IQCH: variants seen among roughly 807,000 people sequenced by gnomAD.
The protein encoded by IQCH is IQ domain-containing protein H.
A neutral mutation model predicts 117.0 loss-of-function variants in IQCH; 98 were observed. That is an observed-to-expected ratio of 0.84 (90% CI 0.71 to 0.99). IQCH has a LOEUF of 0.99. Among genes scored for constraint, IQCH ranks in the 50% least tolerant of loss-of-function variants. The pLI is 0.00. For missense variants in IQCH, 1,102 were observed against 1,243.8 expected, an observed-to-expected ratio of 0.89 and a Z score of 1.72; for synonymous variants, 412 against 448.2, an observed-to-expected ratio of 0.92 and a Z score of 1.02.
chr15:67,497,824 A>C (rs149009304), intron 20 of IQCH, among the ~76,000 whole-genome samples: 2 of 152,314 alleles, frequency 1.3e-5, no homozygotes, highest in East Asian at 3.9e-4. Context: ...AGATTTTTGC[A>C]GTGAAAACTA....
At chr15:67,318,016 T>A (rs998359344) in intron 4 of IQCH, among the ~76,000 whole-genome samples, 3 of 152,170 alleles carry the variant, frequency 2.0e-5, no homozygotes, top group African/African-American at 7.2e-5. Context: ...TGAAGCTTTG[T>A]TCACCCCCAT....
intron 14 of IQCH, among the ~76,000 whole-genome samples, chr15:67,410,935 T>C (rs988838420): frequency 6.6e-6 from 1 of 152,186 alleles, no homozygotes; most frequent in African/African-American, 2.4e-5. Flanking sequence ...TTTGAATCCC[T>C]GTTTTGCTAC....
rs527672307 is a variant in IQCH, at chr15:67,410,777, C to T, written c.2098-6154C>T. Among the ~76,000 whole-genome samples, 10 of 152,310 alleles carry T rather than the reference C, an allele frequency of 6.6e-5. No individual in the cohort carries two copies. In the East Asian group the frequency reaches 1.9e-3, roughly 29 times the overall value. On this transcript the variant is annotated intron_variant, in intron 14 of 20. Coordinates refer to ENST00000335894, the MANE Select transcript of IQCH (RefSeq NM_001031715.3). ...GATGCTGGGCAGCCAGTGACAAAGG[C>T]CCATGCTACCATATTTTCATACATT... is the stretch of plus-strand genomic sequence containing the variant.
In IQCH at chr15:67,494,275, T is replaced by C; in HGVS notation, c.2879T>C (p.Leu960Pro). ...KLGMLTIGED[L>P]QGVLMTFARH... ...ATTAACAGAACAATCGGCGAGGATC[T>C]CCAGGGGGTCCTCATGACCTTTGCT... Residue 960 changes from leucine (L) to proline (P), a missense_variant, in exon 20 of 21, where the codon CTC (leucine) becomes CCC (proline). Physicochemically the swap from Leu to Pro is moderately conservative, Grantham distance 98 (BLOSUM62 -3). Coordinates refer to ENST00000335894, the MANE Select transcript of IQCH (RefSeq NM_001031715.3). This position sits in a 1 kb window ranked among gnomAD's most constrained non-coding sequence, Gnocchi z 5.5. 6.2e-7 allele frequency: 1 copy of C among 1,610,680 alleles called. No individual in the cohort carries two copies.
At chr15:67,452,248 T>C (rs1039574848) in intron 16 of IQCH, among the ~76,000 whole-genome samples, 3 of 152,230 alleles carry the variant, frequency 2.0e-5, no homozygotes, top group African/African-American at 7.2e-5. Flanking sequence ...TTGTTAGGTG[T>C]GAATTCAATC....
intron 4 of IQCH, among the ~76,000 whole-genome samples, chr15:67,290,953 C>A (rs1966729856): frequency 6.6e-6 from 1 of 152,108 alleles, no homozygotes; most frequent in African/African-American, 2.4e-5. Flanking sequence ...CTTTATGGGC[C>A]AGGAACACTA....
chr15:67,450,960 A>G (rs2082508977), intron 16 of IQCH, among the ~76,000 whole-genome samples: 1 of 152,154 alleles, frequency 6.6e-6, no homozygotes, highest in Non-Finnish European at 1.5e-5. Context: ...GGGAGGATGT[A>G]TGTGTCGAGG....
intron 14 of IQCH, among the ~76,000 whole-genome samples, chr15:67,400,908 T>A (rs1252367635): frequency 6.6e-6 from 1 of 152,182 alleles, no homozygotes; most frequent in Non-Finnish European, 1.5e-5. Flanking sequence ...ATTACAAATC[T>A]TATAATTTGC....
chr15:67,306,806 C>T (rs1186206569), intron 4 of IQCH: 3 of 1,513,776 alleles, frequency 2.0e-6, no homozygotes, highest in East Asian at 2.5e-5. Flanking sequence ...TAACAAACAA[C>T]CTTCTAACAT....
chr15:67,379,733 C>CCATGTGAAGAAGG (rs1301550604), intron 10 of IQCH, among the ~76,000 whole-genome samples: 1 of 152,182 alleles, frequency 6.6e-6, no homozygotes, highest in African/African-American at 2.4e-5. Context: ...TCTCCTGCCA[C>CCATGTGAAGAAGG]CATGTGAAGA....
rs375096111 is a variant in IQCH, at chr15:67,264,530, G to T, written c.269+1314G>T. 1.3e-4 allele frequency among the ~76,000 whole-genome samples: 20 copies of T among 152,258 alleles called. 2 individuals carry two copies. The highest frequency in any genetic ancestry group is 3.9e-4 in the East Asian group (2 of 5,178). ...CAGGCCTTTGTTCCTCACTATGTGG[G>T]TCTCTCTTAAGCTGCCTGAGTATTT... is the stretch of plus-strand genomic sequence containing the variant. On this transcript the variant is annotated intron_variant, in intron 3 of 20. Transcript: ENST00000335894.
In IQCH at chr15:67,475,529, T is replaced by A. The variant is rs547068018; in HGVS notation, c.2677-167T>A. On this transcript the variant is annotated intron_variant, in intron 17 of 20. Coordinates refer to ENST00000335894, the MANE Select transcript of IQCH (RefSeq NM_001031715.3). The surrounding 1 kb of genome is among the most constrained non-coding windows in gnomAD (Gnocchi z 5.7). ...ATGTAGCAATTTGTTCCCTTAGTTG[T>A]GACAAATGTACCACAGCAATGTAAG... Among the ~76,000 whole-genome samples, 8 of 152,318 alleles carry A rather than the reference T, an allele frequency of 5.3e-5. No individual in the cohort carries two copies. In the East Asian group the frequency reaches 1.5e-3, roughly 29 times the overall value.
Position 67,359,861 on chromosome 15 carries a change from G to A in IQCH, c.729G>A (p.Arg243=), listed in dbSNP as rs1338305626. 6.2e-7 allele frequency: 1 copy of A among 1,613,236 alleles called. No homozygotes were observed. The highest frequency in any genetic ancestry group is 2.2e-5 in the East Asian group (1 of 44,876). Reference sequence around the variant, plus strand: ...CTTCATTGTAGGGGAAAAGCAGAAGGTCAAGAGGACATCATGATAGGAAGG... The same window carrying A: ...CTTCATTGTAGGGGAAAAGCAGAAGATCAAGAGGACATCATGATAGGAAGG... ...KKQRSKGKSR[R]SRGHHDRKAM... is the part of the protein sequence containing the mutation. The change falls in exon 8 of 21, where the codon AGG becomes AGA. Residue 243 remains arginine (R), a synonymous_variant. Transcript: ENST00000335894. This position sits in a 1 kb window ranked among gnomAD's most constrained non-coding sequence, Gnocchi z 4.5.
intron 5 of IQCH, among the ~76,000 whole-genome samples, chr15:67,338,419 T>C (rs1968997743): frequency 6.6e-6 from 1 of 152,202 alleles, no homozygotes; most frequent in Non-Finnish European, 1.5e-5. Context: ...AATCGGCATA[T>C]ATTTATTGAG....
rs1160045591 is a variant in IQCH at position 67,365,777 on chromosome 15, A to G, written c.753+5892A>G. The stretch of plus-strand genomic sequence containing the variant: ...AAACCCTATCTCTACTAAAAATATA[A>G]AAGTTAGCCGGGTGTGGTGGCGCGT... On this transcript the variant is annotated intron_variant, in intron 8 of 20. Coordinates refer to ENST00000335894, the MANE Select transcript of IQCH (RefSeq NM_001031715.3). This position sits in a 1 kb window ranked among gnomAD's most constrained non-coding sequence, Gnocchi z 4.4. 6.6e-6 allele frequency among the ~76,000 whole-genome samples: 1 copy of G among 152,150 alleles called. No homozygotes were observed. The highest frequency in any genetic ancestry group is 1.9e-4 in the East Asian group (1 of 5,190).
At chr15:67,345,050 C>T (rs1046135953) in intron 6 of IQCH, among the ~76,000 whole-genome samples, 6 of 152,110 alleles carry the variant, frequency 3.9e-5, no homozygotes, top group East Asian at 1.9e-4. Context: ...AGTGCAATGG[C>T]GCAATCTTGG....
intron 16 of IQCH, among the ~76,000 whole-genome samples, chr15:67,435,669 T>C (rs1289097913): frequency 6.6e-6 from 1 of 152,012 alleles, no homozygotes; most frequent in Admixed American, 6.5e-5. Flanking sequence ...GGTCAGGAGT[T>C]CGGGATCAGC....
rs1341048022 is a variant in IQCH at position 67,463,598 on chromosome 15, A to G, written c.2506-1529A>G. ...TTTTTTAGGCTACCACAGAGATCTG[A>G]GATATTTATGATTCACCCAGCTTCA... On this transcript the variant is annotated intron_variant, in intron 16 of 20. Transcript: ENST00000335894. The surrounding 1 kb of genome is among the most constrained non-coding windows in gnomAD (Gnocchi z 4.0). Among the ~76,000 whole-genome samples the G allele has an allele frequency of 2.0e-5, 3 of 152,086 alleles. No homozygotes were observed. The highest frequency in any genetic ancestry group is 6.6e-5 in the Admixed American group (1 of 15,264).
chr15:67,343,663 T>C (rs1177385680), intron 5 of IQCH, among the ~76,000 whole-genome samples: 1 of 152,218 alleles, frequency 6.6e-6, no homozygotes, highest in Non-Finnish European at 1.5e-5. Context: ...ACAGATTTCC[T>C]TCTTTTGGAA....
Sources: allele counts gnomAD v4.1 joint callset (sites outside exome capture counted in the v4.1 genomes callset), GRCh38; gene constraint gnomAD v4.1.1; non-coding constraint Gnocchi (gnomAD v3.1); transcripts MANE v1.5; gene names NCBI Gene and HGNC (gene_info 2026-07-23, HGNC 2026-07-21).